DNM2: variants seen among roughly 807,000 people sequenced by gnomAD.
The protein encoded by DNM2 is dynamin-2.
Under a neutral mutation model 99.0 loss-of-function variants are expected in DNM2, and 15 were observed. The observed-to-expected ratio is 0.15, with a 90% CI of 0.10 to 0.23. DNM2 has a LOEUF of 0.23. Among genes scored for constraint, DNM2 ranks in the 10% least tolerant of loss-of-function variants. The pLI, the probability that DNM2 is intolerant of heterozygous loss-of-function variation, is 1.00. For synonymous variants in DNM2, 525 were observed against 481.2 expected, an observed-to-expected ratio of 1.09 and a Z score of -1.19; for missense variants, 742 against 1,189.4, an observed-to-expected ratio of 0.62 and a Z score of 5.53.
rs2071911947 is a variant in DNM2, at chr19:10,795,834, C to G, written c.1196+395C>G. On this transcript the variant is annotated intron_variant, in intron 9 of 20. Coordinates refer to ENST00000389253, the MANE Select transcript of DNM2 (RefSeq NM_001005361.3). The surrounding 1 kb of genome is among the most constrained non-coding windows in gnomAD (Gnocchi z 4.2). ...GCTTCCTCGTGAGCCTCTTGGGTCC[C>G]CTCCTTATTCTAACAAAGGTAGTTG... 3.0e-6 allele frequency: 2 copies of G among 660,390 alleles called. No homozygotes were observed. The highest frequency in any genetic ancestry group is 2.6e-5 in the Admixed American group (1 of 38,722). 40.9% of individuals were successfully genotyped at this position (660,390 alleles called of 1,614,324 possible).
chr19:10,741,821 G>A (rs2069762751), intron 1 of DNM2, among the ~76,000 whole-genome samples: 1 of 152,062 alleles, frequency 6.6e-6, no homozygotes, highest in African/African-American at 2.4e-5. Flanking sequence ...AAAGTGCTGG[G>A]ATTACAGGCG....
intron 10 of DNM2, among the ~76,000 whole-genome samples, chr19:10,797,905 A>T (rs1290185255): frequency 6.6e-6 from 1 of 151,864 alleles, no homozygotes; most frequent in Non-Finnish European, 1.5e-5. Context: ...ATTTTCCCCG[A>T]CTCGTGGACT....
At position 10,817,729 on chromosome 19, in the gene DNM2, G is replaced by A. The variant is rs1387955192; in HGVS notation, c.1672-2251G>A. ...GGAGCAGGAGGCAGGGTTTGGGATC[G>A]TGGCTTCTGGGCTCAGGAGGAATGT... On this transcript the variant is annotated intron_variant, in intron 15 of 20. Coordinates refer to ENST00000389253, the MANE Select transcript of DNM2 (RefSeq NM_001005361.3). This position sits in a 1 kb window ranked among gnomAD's most constrained non-coding sequence, Gnocchi z 4.6. Among the ~76,000 whole-genome samples, 2 of 143,342 alleles carry A rather than the reference G, an allele frequency of 1.4e-5. No homozygotes were observed. 94.0% of individuals were successfully genotyped at this position (143,342 alleles called of 152,430 possible).
intron 2 of DNM2, among the ~76,000 whole-genome samples, chr19:10,770,670 G>A (rs2070943693): frequency 6.6e-6 from 1 of 152,230 alleles, no homozygotes; most frequent in Admixed American, 6.5e-5. Context: ...AAGGCAAGGA[G>A]GAGCAAGTCA....
intron 12 of DNM2, 90 bp from the exon 13 acceptor site, chr19:10,805,826 C>G: frequency 1.3e-6 from 2 of 1,555,058 alleles, no homozygotes; most frequent in South Asian, 2.2e-5. Context: ...CTCACTTGGT[C>G]CCCAGGGAGA....
At chr19:10,756,481 C>G (rs1480484723) in intron 1 of DNM2, among the ~76,000 whole-genome samples, 2 of 152,194 alleles carry the variant, frequency 1.3e-5, no homozygotes, top group Admixed American at 6.5e-5. Context: ...GGCTCCTCAT[C>G]AGCCGAATGG....
At position 10,818,243 on chromosome 19, in the gene DNM2, CGGGCCCCTCTCCT is replaced by C. The variant is rs1568317762; in HGVS notation, c.1672-1736_1672-1724del. Among the ~76,000 whole-genome samples, 1 of 151,618 alleles carries C rather than the reference CGGGCCCCTCTCCT, an allele frequency of 6.6e-6. No homozygotes were observed. Among genetic ancestry groups the C allele is most frequent in the East Asian group, 2.0e-4 (1 of 5,106 alleles). On this transcript the variant is annotated intron_variant, in intron 15 of 20. Coordinates refer to ENST00000389253, the MANE Select transcript of DNM2 (RefSeq NM_001005361.3). The surrounding 1 kb of genome is among the most constrained non-coding windows in gnomAD (Gnocchi z 4.3). ...TATGCTCTGCTCCCTCCATGGCCAC[CGGGCCCCTCTCCT>C]ATGCTCTGCTCCCTCCATGGCCACC...
chr19:10,735,674 C>T (rs960612880), intron 1 of DNM2, among the ~76,000 whole-genome samples: 4 of 151,762 alleles, frequency 2.6e-5, no homozygotes, highest in South Asian at 2.1e-4. Context: ...CCACCACGCC[C>T]GGCTAATTTT....
At chr19:10,807,104 G>C (rs772853179) in intron 13 of DNM2, among the ~76,000 whole-genome samples, 2 of 152,036 alleles carry the variant, frequency 1.3e-5, no homozygotes, top group Admixed American at 6.6e-5. Flanking sequence ...ACAGAGTCTC[G>C]CATTGTCACC....
intron 1 of DNM2, among the ~76,000 whole-genome samples, chr19:10,738,269 A>G (rs1231714546): frequency 6.6e-6 from 1 of 152,014 alleles, no homozygotes; most frequent in African/African-American, 2.4e-5. Context: ...AAAAATAAAT[A>G]AATAAATAAA....
At chr19:10,737,702 C>T (rs1441405809) in intron 1 of DNM2, among the ~76,000 whole-genome samples, 1 of 152,206 alleles carries the variant, frequency 6.6e-6, no homozygotes, top group Non-Finnish European at 1.5e-5. Context: ...CCAGGCTGAT[C>T]TCGAACTGCT....
At chr19:10,770,762 G>A (rs541438481) in intron 2 of DNM2, among the ~76,000 whole-genome samples, 7 of 152,096 alleles carry the variant, frequency 4.6e-5, no homozygotes, top group Non-Finnish European at 2.9e-5. Flanking sequence ...ATCAGATCTC[G>A]TGAGACTTAT....
chr19:10,720,274 G>A (rs1032625511), intron 1 of DNM2, among the ~76,000 whole-genome samples: 2 of 150,586 alleles, frequency 1.3e-5, no homozygotes, highest in Admixed American at 1.3e-4. Context: ...GTGCAGTGGA[G>A]CAATCTTGGC....
At chr19:10,803,784 C>T in intron 12 of DNM2, 1 of 776,976 alleles carries the variant, frequency 1.3e-6, no homozygotes, top group Non-Finnish European at 1.6e-6. Flanking sequence ...CTACGGGGTG[C>T]TCTCTCAGAG....
At chr19:10,799,678 C>G (rs2072068490) in intron 11 of DNM2, among the ~76,000 whole-genome samples, 1 of 152,008 alleles carries the variant, frequency 6.6e-6, no homozygotes, top group African/African-American at 2.4e-5. Context: ...GGACTACAGG[C>G]ACATGCCACT....
intron 1 of DNM2, among the ~76,000 whole-genome samples, chr19:10,728,331 C>T (rs2069179239): frequency 6.6e-6 from 1 of 152,162 alleles, no homozygotes; most frequent in Admixed American, 6.6e-5. Context: ...GGAGACTGGC[C>T]TGAAGTCACA....
intron 1 of DNM2, among the ~76,000 whole-genome samples, chr19:10,742,020 C>A (rs1424385103): frequency 7.3e-6 from 1 of 137,300 alleles, no homozygotes; most frequent in East Asian, 2.1e-4. Flanking sequence ...TTTTTTCTTT[C>A]TTTGTTTTTG....
At chr19:10,823,701 A>G (rs1275524042) in intron 16 of DNM2, 87 bp from the exon 17 acceptor site, 1 of 1,366,764 alleles carries the variant, frequency 7.3e-7, no homozygotes, top group Non-Finnish European at 1.0e-6. Context: ...ATCAGTCAGA[A>G]AGACCCCTAG....
intron 1 of DNM2, among the ~76,000 whole-genome samples, chr19:10,726,639 G>A (rs775303246): frequency 6.6e-6 from 1 of 152,060 alleles, no homozygotes; most frequent in African/African-American, 2.4e-5. Context: ...GCCCAGCATC[G>A]GATCACCAGA....
Sources: gnomAD v4.1 joint callset for allele counts (sites outside exome capture counted in the v4.1 genomes callset) on GRCh38, gnomAD v4.1.1 for gene constraint, Gnocchi (gnomAD v3.1) non-coding constraint, MANE v1.5 for transcripts, NCBI Gene and HGNC (gene_info 2026-07-23, HGNC 2026-07-21) for gene names.